PEX5L: variants seen among roughly 807,000 people sequenced by gnomAD.
PEX5L encodes PEX5-related protein.
A neutral mutation model predicts 84.0 loss-of-function variants in PEX5L; 30 were observed. The ratio of observed to expected loss-of-function variants is 0.36; its 90% confidence interval spans 0.27 to 0.48. The LOEUF (loss-of-function observed/expected upper bound fraction) is 0.48. Among genes scored for constraint, PEX5L ranks in the 20% least tolerant of loss-of-function variants. PEX5L has a pLI of 0.99. For missense variants in PEX5L, 533 were observed against 754.6 expected (o/e 0.71, Z 3.44); for synonymous variants, 270 against 283.1 (o/e 0.95, Z 0.46).
chr3:179,902,990 C>T (rs12635173), intron 2 of PEX5L, among the ~76,000 whole-genome samples: 40,187 of 151,670 alleles, frequency 0.26, 6,203 homozygotes, highest in East Asian at 0.62. Context: ...TACTTCTTGC[C>T]AAAAATTGAT....
chr3:179,807,273 A>G (rs374384391), intron 14 of PEX5L, among the ~76,000 whole-genome samples: 18 of 152,310 alleles, frequency 1.2e-4, no homozygotes, highest in Admixed American at 5.9e-4. Flanking sequence ...TCATTTTGCC[A>G]GGTCCCCTTG....
At chr3:179,843,991 G>A (rs1401450028) in intron 8 of PEX5L, among the ~76,000 whole-genome samples, 1 of 152,154 alleles carries the variant, frequency 6.6e-6, no homozygotes, top group East Asian at 1.9e-4. Flanking sequence ...TTGCAGAAGT[G>A]GTGTCAACCA....
chr3:179,821,702 G>T (rs1374014135), intron 8 of PEX5L, among the ~76,000 whole-genome samples: 1 of 152,190 alleles, frequency 6.6e-6, no homozygotes, highest in East Asian at 1.9e-4. Context: ...TGGCTACTAG[G>T]TATCCAGGTT....
intron 7 of PEX5L, among the ~76,000 whole-genome samples, chr3:179,866,403 A>G (rs1337656211): frequency 6.6e-6 from 1 of 152,194 alleles, no homozygotes; most frequent in Non-Finnish European, 1.5e-5. Context: ...CTGGTTTACC[A>G]TTTACTACCA....
chr3:179,956,774 G>A (rs1780667350), intron 2 of PEX5L, among the ~76,000 whole-genome samples: 1 of 152,134 alleles, frequency 6.6e-6, no homozygotes, highest in Admixed American at 6.6e-5. Flanking sequence ...AACATGCACG[G>A]TGCCATCTCC....
chr3:179,907,577 G>A (rs1282125162), intron 2 of PEX5L, among the ~76,000 whole-genome samples: 1 of 152,096 alleles, frequency 6.6e-6, no homozygotes, highest in African/African-American at 2.4e-5. Context: ...GCCTCTCATT[G>A]TGCTGAGATT....
chr3:180,002,810 T>C (rs1788544529), intron 1 of PEX5L, among the ~76,000 whole-genome samples: 1 of 152,122 alleles, frequency 6.6e-6, no homozygotes, highest in Non-Finnish European at 1.5e-5. Flanking sequence ...ACTGAGATAA[T>C]GGCAAATATA....
At chr3:179,834,940 C>A (rs1297397266) in intron 8 of PEX5L, among the ~76,000 whole-genome samples, 1 of 152,100 alleles carries the variant, frequency 6.6e-6, no homozygotes, top group Non-Finnish European at 1.5e-5. Context: ...CGGCTGATTT[C>A]CTCGTAAGAA....
At chr3:179,807,305 T>A (rs111514467) in intron 14 of PEX5L, among the ~76,000 whole-genome samples, 10 of 152,202 alleles carry the variant, frequency 6.6e-5, no homozygotes, top group African/African-American at 2.4e-4. Flanking sequence ...AAGGCTCTTT[T>A]TTCCTTAAGT....
chr3:179,865,217 G>A (rs957865445), intron 7 of PEX5L, among the ~76,000 whole-genome samples: 3 of 152,094 alleles, frequency 2.0e-5, no homozygotes, highest in African/African-American at 7.2e-5. Flanking sequence ...TACTGTTTAG[G>A]GAAGTGTTAT....
chr3:179,909,018 A>C (rs974268460), intron 2 of PEX5L, among the ~76,000 whole-genome samples: 2 of 152,178 alleles, frequency 1.3e-5, no homozygotes, highest in Non-Finnish European at 2.9e-5. Context: ...ATATGAATTG[A>C]CTATGAACTA....
intron 8 of PEX5L, among the ~76,000 whole-genome samples, chr3:179,824,506 G>C (rs568084994): frequency 6.6e-6 from 1 of 152,244 alleles, no homozygotes; most frequent in East Asian, 1.9e-4. Flanking sequence ...GGGAGTTTGA[G>C]ACCGGCCTGA....
intron 1 of PEX5L, chr3:179,973,103 G>A: frequency 9.8e-7 from 1 of 1,015,866 alleles, no homozygotes; most frequent in Middle Eastern, 2.5e-4. Flanking sequence ...TGTCTAGAGT[G>A]TCTCTAATGT....
intron 1 of PEX5L, among the ~76,000 whole-genome samples, chr3:180,015,471 T>C (rs117638524): frequency 6.6e-6 from 1 of 152,220 alleles, no homozygotes; most frequent in Non-Finnish European, 1.5e-5. Flanking sequence ...TATTGAGGAC[T>C]CCATTCATGG....
intron 8 of PEX5L, among the ~76,000 whole-genome samples, chr3:179,825,716 T>C (rs1416938361): frequency 6.6e-6 from 1 of 152,236 alleles, no homozygotes; most frequent in Non-Finnish European, 1.5e-5. Context: ...CCTTGTCACG[T>C]GACCTTATGC....
intron 4 of PEX5L, among the ~76,000 whole-genome samples, 199 bp downstream of exon 4, chr3:179,887,474 T>TA (rs1453464503): frequency 6.6e-6 from 1 of 152,234 alleles, no homozygotes; most frequent in Non-Finnish European, 1.5e-5. Context: ...GTGGTATACT[T>TA]ATGTTCTGCA....
At chr3:179,811,760 G>C (rs765578307) in intron 11 of PEX5L, 41 bp downstream of exon 11, 5 of 1,352,088 alleles carry the variant, frequency 3.7e-6, no homozygotes, top group Non-Finnish European at 5.3e-6. Flanking sequence ...TCATTAACAA[G>C]TATCCACCAG....
chr3:179,914,852 T>A (rs1766464119), intron 2 of PEX5L, among the ~76,000 whole-genome samples: 1 of 152,228 alleles, frequency 6.6e-6, no homozygotes, highest in Non-Finnish European at 1.5e-5. Flanking sequence ...TTTTATAATT[T>A]CTGCAAAGCC....
intron 1 of PEX5L, among the ~76,000 whole-genome samples, chr3:179,993,754 C>T (rs1031409765): frequency 3.9e-5 from 6 of 152,198 alleles, no homozygotes; most frequent in Non-Finnish European, 7.4e-5. Context: ...CTGCCCGCCT[C>T]GACCTCCCAA....
Sources: gnomAD v4.1 joint callset for allele counts (sites outside exome capture counted in the v4.1 genomes callset) on GRCh38, gnomAD v4.1.1 for gene constraint, MANE v1.5 for transcripts, NCBI Gene and HGNC (gene_info 2026-07-23, HGNC 2026-07-21) for gene names.